The following CDYL2 variants were observed in gnomAD, a reference collection of about 807,000 sequenced individuals.
CDYL2 encodes the protein chromodomain Y like 2, also known as chromodomain Y-like protein 2.
A neutral mutation model predicts 49.4 loss-of-function variants in CDYL2; 23 were observed. The observed-to-expected ratio is 0.47, with a 90% CI of 0.34 to 0.66. CDYL2 has a LOEUF of 0.66. Ranked by LOEUF, CDYL2 falls within the 30% of genes least tolerant of loss-of-function variation. The pLI, the probability that CDYL2 is intolerant of heterozygous loss-of-function variation, is 0.01. For synonymous variants in CDYL2, 360 were observed against 268.8 expected, an observed-to-expected ratio of 1.34 and a Z score of -3.32; for missense variants, 678 against 656.4, an observed-to-expected ratio of 1.03 and a Z score of -0.36.
chr16:80,697,960 G>C (rs932818666), intron 1 of CDYL2, among the ~76,000 whole-genome samples: 4 of 151,974 alleles, frequency 2.6e-5, no homozygotes, highest in Non-Finnish European at 4.4e-5. Context: ...TGTTAAAATG[G>C]CCATACTAGC....
chr16:80,675,814 C>T (rs1909721533), intron 2 of CDYL2, among the ~76,000 whole-genome samples: 2 of 152,076 alleles, frequency 1.3e-5, no homozygotes, highest in Admixed American at 6.5e-5. Context: ...ACTGCTTGCT[C>T]CTGGGGAGGA....
intron 1 of CDYL2, among the ~76,000 whole-genome samples, chr16:80,752,243 G>A (rs1192018956): frequency 6.6e-6 from 1 of 152,028 alleles, no homozygotes; most frequent in Admixed American, 6.5e-5. Context: ...ACAGCAACAA[G>A]GAGAAAACCG....
intron 1 of CDYL2, among the ~76,000 whole-genome samples, chr16:80,706,253 G>A (rs115566392): frequency 2.8e-4 from 42 of 152,266 alleles, no homozygotes; most frequent in African/African-American, 8.2e-4. Context: ...GTAACCTCTC[G>A]AGAACTTCAA....
chr16:80,686,994 C>T (rs1463325472), intron 1 of CDYL2, among the ~76,000 whole-genome samples: 6 of 152,214 alleles, frequency 3.9e-5, no homozygotes, highest in African/African-American at 1.4e-4. Flanking sequence ...AATCCAATAT[C>T]CAACCTTTGG....
intron 1 of CDYL2, among the ~76,000 whole-genome samples, chr16:80,710,740 TAC>T (rs775518236): frequency 0.011 from 1,668 of 150,968 alleles, 26 homozygotes; most frequent in African/African-American, 0.038. Flanking sequence ...TAATACTGCT[TAC>T]ACACACACAC....
chr16:80,618,662 C>T (rs143306260), intron 4 of CDYL2, among the ~76,000 whole-genome samples: 32 of 152,298 alleles, frequency 2.1e-4, no homozygotes, highest in African/African-American at 6.5e-4. Context: ...AGGATCCCCA[C>T]GCCCTCCCCA....
intron 1 of CDYL2, among the ~76,000 whole-genome samples, chr16:80,784,084 T>C (rs1255950435): frequency 6.6e-6 from 1 of 152,198 alleles, no homozygotes; most frequent in Non-Finnish European, 1.5e-5. Context: ...AAGTAGTAAA[T>C]ATATATAAGT....
At chr16:80,745,674 T>C (rs1905903690) in intron 1 of CDYL2, among the ~76,000 whole-genome samples, 1 of 152,190 alleles carries the variant, frequency 6.6e-6, no homozygotes, top group Non-Finnish European at 1.5e-5. Flanking sequence ...GTGCGCAAGT[T>C]ATCAACCTGG....
chr16:80,708,163 A>G (rs1399064095), intron 1 of CDYL2, among the ~76,000 whole-genome samples: 1 of 152,210 alleles, frequency 6.6e-6, no homozygotes, highest in Non-Finnish European at 1.5e-5. Flanking sequence ...CAGGAAGTGG[A>G]GACGTCAAAT....
intron 1 of CDYL2, among the ~76,000 whole-genome samples, chr16:80,706,301 C>T (rs1904402599): frequency 6.6e-6 from 1 of 152,198 alleles, no homozygotes; most frequent in Non-Finnish European, 1.5e-5. Flanking sequence ...CACCCTCACA[C>T]AAGAATGTGA....
intron 2 of CDYL2, among the ~76,000 whole-genome samples, chr16:80,676,349 G>A (rs1292553512): frequency 6.6e-6 from 1 of 152,228 alleles, no homozygotes; most frequent in Non-Finnish European, 1.5e-5. Context: ...GTGGGTACTT[G>A]AAGTGGGTCA....
At chr16:80,655,907 A>G (rs1364205086) in intron 2 of CDYL2, among the ~76,000 whole-genome samples, 1 of 152,190 alleles carries the variant, frequency 6.6e-6, no homozygotes, top group Non-Finnish European at 1.5e-5. Flanking sequence ...GACAGCAACA[A>G]GCTGGCAGGG....
At chr16:80,686,954 A>G (rs1247516536) in intron 1 of CDYL2, among the ~76,000 whole-genome samples, 2 of 152,242 alleles carry the variant, frequency 1.3e-5, no homozygotes, top group Non-Finnish European at 1.5e-5. Context: ...ACTCTGTAAC[A>G]TTTTTGAAAA....
rs141075812 is a variant in CDYL2 at position 80,784,535 on chromosome 16, A to C, written c.24+19615T>G. The stretch of plus-strand genomic sequence containing the variant: ...AAGTTGTTTAGAGAACATCCATGAG[A>C]GAAAACCAGAAGGGGAAATGGTTAA... On this transcript the variant is annotated intron_variant, in intron 1 of 6. Transcript: ENST00000570137. 9.8e-3 allele frequency among the ~76,000 whole-genome samples: 1,498 copies of C among 152,342 alleles called. 27 individuals carry two copies. Among genetic ancestry groups the C allele is most frequent in the African/African-American group, 0.034 (1,424 of 41,568 alleles).
chr16:80,658,371 A>C (rs966482504), intron 2 of CDYL2, among the ~76,000 whole-genome samples: 15 of 152,310 alleles, frequency 9.8e-5, no homozygotes, highest in Non-Finnish European at 1.3e-4. Flanking sequence ...TAACCACATC[A>C]AAAGGGGAGA....
At chr16:80,721,724 C>T (rs1052737868) in intron 1 of CDYL2, among the ~76,000 whole-genome samples, 19 of 152,334 alleles carry the variant, frequency 1.2e-4, no homozygotes, top group African/African-American at 4.6e-4. Context: ...AGCTAGACCA[C>T]CCTTCAGCTT....
chr16:80,780,482 G>A (rs986058756), intron 1 of CDYL2, among the ~76,000 whole-genome samples: 3 of 138,536 alleles, frequency 2.2e-5, no homozygotes, highest in Admixed American at 8.2e-5. Flanking sequence ...TCGGCTCACT[G>A]CAAGCTCCGC....
At chr16:80,667,007 C>T (rs1161398401) in intron 2 of CDYL2, among the ~76,000 whole-genome samples, 1 of 152,218 alleles carries the variant, frequency 6.6e-6, no homozygotes, top group Admixed American at 6.5e-5. Context: ...GTGACCACTA[C>T]AAACCGAGGT....
rs1905751952 is a variant in CDYL2 at position 80,741,939 on chromosome 16, C to T, written c.25-56810G>A. ...TAGTAATTCCACTTTCAGAAAACAGCCTAAGGAAATAACCAGAACAATGTG... is the reference window on the plus strand; with the variant it reads ...TAGTAATTCCACTTTCAGAAAACAGTCTAAGGAAATAACCAGAACAATGTG... On this transcript the variant is annotated intron_variant, in intron 1 of 6. Coordinates refer to ENST00000570137, the MANE Select transcript of CDYL2 (RefSeq NM_152342.4). 2.0e-5 allele frequency among the ~76,000 whole-genome samples: 3 copies of T among 152,296 alleles called. No homozygotes were observed. In the South Asian group the frequency reaches 6.2e-4, roughly 32 times the overall value.
Sources: allele counts gnomAD v4.1 joint callset (sites outside exome capture counted in the v4.1 genomes callset), GRCh38; gene constraint gnomAD v4.1.1; transcripts MANE v1.5; gene names NCBI Gene and HGNC (gene_info 2026-07-23, HGNC 2026-07-21).